WASHC5: variants seen among roughly 807,000 people sequenced by gnomAD.
WASHC5 encodes the protein WASH complex subunit strumpellin.
A neutral mutation model predicts 150.4 loss-of-function variants in WASHC5; 101 were observed. That is an observed-to-expected ratio of 0.67 (90% CI 0.57 to 0.79). WASHC5 has a LOEUF of 0.79. WASHC5 is among the 30% of genes least tolerant of loss of function. The pLI is 0.00. For missense variants in WASHC5, 1,195 were observed against 1,396.3 expected, an observed-to-expected ratio of 0.86 and a Z score of 2.30; for synonymous variants, 467 against 491.2, an observed-to-expected ratio of 0.95 and a Z score of 0.65.
At chr8:125,053,694 G>T (rs1816315991) in intron 17 of WASHC5, among the ~76,000 whole-genome samples, 1 of 151,912 alleles carries the variant, frequency 6.6e-6, no homozygotes, top group South Asian at 2.1e-4. Context: ...TATTTTCTTT[G>T]ATTTTAATAA....
At chr8:125,065,362 C>T (rs1816716449) in intron 10 of WASHC5, among the ~76,000 whole-genome samples, 1 of 151,972 alleles carries the variant, frequency 6.6e-6, no homozygotes, top group Non-Finnish European at 1.5e-5. Context: ...TTCCTGAAGA[C>T]CTCTAATGAG....
intron 5 of WASHC5, among the ~76,000 whole-genome samples, chr8:125,080,427 A>G (rs1817215846): frequency 6.6e-6 from 1 of 152,214 alleles, no homozygotes; most frequent in Non-Finnish European, 1.5e-5. Flanking sequence ...CACTCCCTTC[A>G]GCTGAAAGGA....
chr8:125,087,619 G>A (rs1200925554), intron 1 of WASHC5, among the ~76,000 whole-genome samples: 3 of 151,830 alleles, frequency 2.0e-5, no homozygotes, highest in Admixed American at 6.6e-5. Context: ...TGTAGTCCCA[G>A]TGACAAGGGA....
At position 125,078,922 on chromosome 8, in the gene WASHC5, C is replaced by T. The variant is rs1211805878; in HGVS notation, c.527G>A (p.Arg176Gln). 7.4e-6 allele frequency: 12 copies of T among 1,613,302 alleles called. No individual in the cohort carries two copies. The highest frequency in any genetic ancestry group is 2.7e-5 in the African/African-American group (2 of 74,720). The change falls in exon 6 of 29, where the codon CGA becomes CAA. Residue 176 changes from arginine (R) to glutamine (Q), a missense_variant. Physicochemically the swap from Arg to Gln is conservative, Grantham distance 43. Coordinates refer to ENST00000318410, the MANE Select transcript of WASHC5 (RefSeq NM_014846.4). ...GTCCATATTTGAATCAGCAGAAGAT[C>T]GAGCAGCACTGAGTCATATTCACAA... ...LVSYYRYSAA[R>Q]SSADSNMDDI...
In WASHC5 at chr8:125,091,748, C is replaced by G. The variant is rs1390101471; in HGVS notation, c.-258G>C. The G allele has an allele frequency of 6.6e-6, 1 of 152,366 alleles. No homozygotes were observed. Among genetic ancestry groups the G allele is most frequent in the Non-Finnish European group, 1.5e-5 (1 of 68,164 alleles). The allele number at this position is 152,366 out of a possible 1,614,324, so 9.4% of individuals were successfully genotyped here. A position where few individuals can be genotyped will look rare whatever the true frequency, so the allele number is the denominator to read the frequency against. On this transcript the variant is annotated 5_prime_UTR_variant, in exon 1 of 29. Coordinates refer to ENST00000318410, the MANE Select transcript of WASHC5 (RefSeq NM_014846.4). Reference sequence around the variant, plus strand: ...GTCCCGGACCTGGAGCGGGTCAGACCCCGACTTCCGCCCCTGACTCCCCAG... The same window carrying G: ...GTCCCGGACCTGGAGCGGGTCAGACGCCGACTTCCGCCCCTGACTCCCCAG...
At chr8:125,036,703 G>A (rs1028269297) in intron 26 of WASHC5, among the ~76,000 whole-genome samples, 32 of 143,404 alleles carry the variant, frequency 2.2e-4, no homozygotes, top group Admixed American at 2.2e-3. Context: ...AAATAAATAA[G>A]TGTACTTAAA....
At chr8:125,043,954 A>G (rs1292943234) in intron 22 of WASHC5, 38 bp downstream of exon 22, 5 of 1,480,542 alleles carry the variant, frequency 3.4e-6, no homozygotes, top group African/African-American at 2.3e-5. Flanking sequence ...TAAAGGCTAC[A>G]GTGTCATCCC....
chr8:125,091,757 C>A lies in WASHC5; in HGVS notation c.-267G>T, dbSNP rs189360061. On this transcript the variant is annotated 5_prime_UTR_variant, in exon 1 of 29. Transcript: ENST00000318410. ...CTGGAGCGGGTCAGACCCCGACTTC[C>A]GCCCCTGACTCCCCAGGCGGTCACA... The A allele has an allele frequency of 4.6e-5, 7 of 152,526 alleles. No individual in the cohort carries two copies. In the East Asian group the frequency reaches 1.3e-3, roughly 29 times the overall value. The allele number at this position is 152,526 out of a possible 1,614,324, so 9.4% of individuals were successfully genotyped here.
At chr8:125,065,869 A>C (rs1586369815) in intron 10 of WASHC5, among the ~76,000 whole-genome samples, 1 of 152,180 alleles carries the variant, frequency 6.6e-6, no homozygotes. Flanking sequence ...CACCCGCCTT[A>C]GCCTCCCAAA....
Position 125,067,693 on chromosome 8 carries a change from G to A in WASHC5, c.1177C>T (p.Arg393Cys), listed in dbSNP as rs1167417440. The change falls in exon 10 of 29, where the codon CGT becomes TGT. Residue 393 changes from arginine (R) to cysteine (C), a missense_variant. Physicochemically the swap from Arg to Cys is radical, Grantham distance 180 (BLOSUM62 -3). Coordinates refer to ENST00000318410, the MANE Select transcript of WASHC5 (RefSeq NM_014846.4). ...GTTAGAATCTGGTCCTTGATTTGAC[G>A]AAGGCGTTTGTTGTTTGGGTCACAG... is the stretch of plus-strand genomic sequence containing the variant. ...SACDPNNKRL[R>C]QIKDQILTDS... 3.1e-6 allele frequency: 5 copies of A among 1,613,852 alleles called. No individual in the cohort carries two copies. Among genetic ancestry groups the A allele is most frequent in the Middle Eastern group, 1.7e-4 (1 of 6,060 alleles).
intron 19 of WASHC5, among the ~76,000 whole-genome samples, chr8:125,048,154 T>C (rs1385059817): frequency 6.6e-6 from 1 of 152,204 alleles, no homozygotes; most frequent in Non-Finnish European, 1.5e-5. Context: ...AGATGAGACA[T>C]GGGAACTTCG....
intron 1 of WASHC5, among the ~76,000 whole-genome samples, chr8:125,088,196 C>A (rs1045102477): frequency 7.3e-5 from 11 of 150,844 alleles, no homozygotes; most frequent in Non-Finnish European, 1.6e-4. Flanking sequence ...GTAATTCCAG[C>A]ACTTTGAGAG....
At chr8:125,060,527 T>C (rs1483433305) in intron 12 of WASHC5, among the ~76,000 whole-genome samples, 1 of 152,138 alleles carries the variant, frequency 6.6e-6, no homozygotes. Context: ...TCTGCTGCTT[T>C]TAGTTATCAT....
intron 14 of WASHC5, 93 bp from the exon 15 acceptor site, chr8:125,057,759 G>A (rs1322826255): frequency 3.7e-6 from 3 of 818,798 alleles, no homozygotes. Flanking sequence ...CAAAACATTT[G>A]GGTTTTACCC....
At position 125,083,766 on chromosome 8, in the gene WASHC5, T is replaced by C. The variant is rs1455655161; in HGVS notation, c.133A>G (p.Arg45Gly). 6.2e-7 allele frequency: 1 copy of C among 1,613,848 alleles called. No individual in the cohort carries two copies. Among genetic ancestry groups the C allele is most frequent in the African/African-American group, 1.3e-5 (1 of 74,930 alleles). ...TCTCCATATTTCTGTTGATCAGCTCTGTCTTTTAACCTGAACACAGCAGGA... is the reference window on the plus strand; with the variant it reads ...TCTCCATATTTCTGTTGATCAGCTCCGTCTTTTAACCTGAACACAGCAGGA... The part of the protein sequence containing the change: ...FIPAVFRLKD[R>G]ADQQKYGDII... Residue 45 changes from arginine (R) to glycine (G), a missense_variant, in exon 2 of 29, where the codon AGA (arginine) becomes GGA (glycine). Around this residue, in one of 3 missense-constraint regions of WASHC5, gnomAD observed 195 missense variants for 206.9 expected, o/e 0.94. Coordinates refer to ENST00000318410, the MANE Select transcript of WASHC5 (RefSeq NM_014846.4).
At position 125,044,632 on chromosome 8, in the gene WASHC5, G is replaced by T. The variant is rs776925530; in HGVS notation, c.2571C>A (p.Ser857Arg). 6.2e-7 allele frequency: 1 copy of T among 1,614,030 alleles called. No homozygotes were observed. Among genetic ancestry groups the T allele is most frequent in the Non-Finnish European group, 8.5e-7 (1 of 1,179,894 alleles). The stretch of plus-strand genomic sequence containing the variant: ...TCTGGATTTCTGAGAAGAGGCGGCT[G>T]CTGGTCACTTCCTGATGAGTTTTCA... ...YDMKTHQEVT[S>R]SRLFSEIQTT... is the part of the protein sequence containing the mutation. The change falls in exon 21 of 29, where the codon AGC becomes AGA. Residue 857 changes from serine to arginine, a missense_variant. Transcript: ENST00000318410.
At chr8:125,032,808 G>C in intron 26 of WASHC5, 1 of 229,012 alleles carries the variant, frequency 4.4e-6, no homozygotes, top group South Asian at 5.5e-5. Flanking sequence ...TACTTTTAGG[G>C]TATCTTTAAA....
intron 11 of WASHC5, among the ~76,000 whole-genome samples, chr8:125,063,103 C>T (rs918249197): frequency 2.0e-5 from 3 of 152,022 alleles, no homozygotes; most frequent in East Asian, 1.9e-4. Flanking sequence ...TTATGACATT[C>T]TTGGGTGACG....
chr8:125,065,740 C>T (rs1255295307), intron 10 of WASHC5, among the ~76,000 whole-genome samples: 1 of 151,904 alleles, frequency 6.6e-6, no homozygotes, highest in Admixed American at 6.6e-5. Flanking sequence ...CCTCAGCCTC[C>T]TGAAGAGCTT....
Sources: gnomAD v4.1 joint callset for allele counts (sites outside exome capture counted in the v4.1 genomes callset) on GRCh38, gnomAD v4.1.1 for gene constraint, gnomAD v4.1.1 regional missense constraint, MANE v1.5 for transcripts, NCBI Gene and HGNC (gene_info 2026-07-23, HGNC 2026-07-21) for gene names.